The following GRIA2 variants were observed in gnomAD, a reference collection of about 807,000 sequenced individuals.
GRIA2 encodes glutamate receptor 2.
In GRIA2, 14 loss-of-function variants were observed where a neutral mutation model predicts 97.3. That is an observed-to-expected ratio of 0.14 (90% CI 0.10 to 0.23). The LOEUF (loss-of-function observed/expected upper bound fraction) is 0.23, where lower values mean the gene tolerates loss of function less well. Among genes scored for constraint, GRIA2 ranks in the 10% least tolerant of loss-of-function variants. GRIA2 has a pLI of 1.00. For synonymous variants in GRIA2, 412 were observed against 387.8 expected, an observed-to-expected ratio of 1.06 and a Z score of -0.73; for missense variants, 558 against 1,069.8, an observed-to-expected ratio of 0.52 and a Z score of 6.67.
At chr4:157,313,828 C>A (rs1169340186) in intron 4 of GRIA2, among the ~76,000 whole-genome samples, 2 of 151,890 alleles carry the variant, frequency 1.3e-5, no homozygotes, top group East Asian at 3.9e-4. Flanking sequence ...AATATCCTAC[C>A]ATTGACCAGA....
At chr4:157,273,603 G>A (rs1732137334) in intron 2 of GRIA2, among the ~76,000 whole-genome samples, 2 of 152,000 alleles carry the variant, frequency 1.3e-5, no homozygotes, top group Admixed American at 1.3e-4. Flanking sequence ...TACCTTGAAA[G>A]GCTTGTTAAT....
At chr4:157,220,546 G>T (rs1391772901), upstream of GRIA2, 3 of 152,196 alleles carry the variant, frequency 2.0e-5, no homozygotes, top group South Asian at 2.1e-4. Context: ...GCCGGGCGCC[G>T]TGCGGGGGAG....
chr4:157,263,950 TTACTC>T (rs1460130596), intron 2 of GRIA2, among the ~76,000 whole-genome samples: 1 of 152,092 alleles, frequency 6.6e-6, no homozygotes, highest in Non-Finnish European at 1.5e-5. Context: ...TTTTTGAACT[TTACTC>T]TTAGTTATAA....
At chr4:157,252,192 C>G (rs1462551777) in intron 2 of GRIA2, among the ~76,000 whole-genome samples, 1 of 151,974 alleles carries the variant, frequency 6.6e-6, no homozygotes, top group Admixed American at 6.6e-5. Flanking sequence ...TCTGCAAAAC[C>G]AAATGAAGGG....
intron 2 of GRIA2, among the ~76,000 whole-genome samples, chr4:157,256,710 C>G (rs1561013534): frequency 6.6e-6 from 1 of 151,844 alleles, no homozygotes; most frequent in Non-Finnish European, 1.5e-5. Flanking sequence ...TAGTATGATA[C>G]TTAATTAATC....
intron 2 of GRIA2, among the ~76,000 whole-genome samples, chr4:157,232,862 T>G (rs1483001803): frequency 6.6e-6 from 1 of 152,204 alleles, no homozygotes; most frequent in Non-Finnish European, 1.5e-5. Flanking sequence ...ATTCTAGTCC[T>G]TGTACTAGAT....
chr4:157,247,943 T>C, intron 2 of GRIA2, among the ~76,000 whole-genome samples: 1 of 152,082 alleles, frequency 6.6e-6, no homozygotes, highest in East Asian at 1.9e-4. Context: ...TTGCTCTTAT[T>C]ATCCTCACTG....
intron 6 of GRIA2, among the ~76,000 whole-genome samples, chr4:157,331,952 C>A (rs1161226774): frequency 6.6e-6 from 1 of 151,904 alleles, no homozygotes; most frequent in African/African-American, 2.4e-5. Flanking sequence ...TTTTTTCTCC[C>A]AAGCTTCGCC....
intron 2 of GRIA2, among the ~76,000 whole-genome samples, chr4:157,277,607 A>G (rs1478766835): frequency 6.6e-6 from 1 of 151,500 alleles, no homozygotes. Context: ...TTTGCAGATA[A>G]TTGTCTGTGT....
intron 4 of GRIA2, among the ~76,000 whole-genome samples, chr4:157,314,653 A>G (rs532216286): frequency 5.9e-5 from 9 of 152,324 alleles, no homozygotes; most frequent in African/African-American, 2.2e-4. Flanking sequence ...GTGAAAGACT[A>G]TATAAAAATA....
chr4:157,330,876 G>T (rs1735020056), intron 6 of GRIA2, among the ~76,000 whole-genome samples: 1 of 151,886 alleles, frequency 6.6e-6, no homozygotes, highest in African/African-American at 2.4e-5. Flanking sequence ...AAACACAGGG[G>T]CAGAGATGAA....
At chr4:157,333,072 C>T (rs1384360225) in intron 7 of GRIA2, 86 bp downstream of exon 7, 1 of 1,132,062 alleles carries the variant, frequency 8.8e-7, no homozygotes, top group Admixed American at 2.5e-5. Context: ...TTGTCTTATT[C>T]CTTGTGTCTA....
intron 3 of GRIA2, among the ~76,000 whole-genome samples, chr4:157,307,109 T>C (rs757475788): frequency 5.9e-5 from 9 of 152,206 alleles, no homozygotes; most frequent in East Asian, 1.9e-4. Context: ...TATTGGTTAA[T>C]TATAATGTCT....
In GRIA2 at chr4:157,264,197, G is replaced by A. The variant is rs540131424; in HGVS notation, c.230-39355G>A. 9.9e-5 allele frequency among the ~76,000 whole-genome samples: 15 copies of A among 152,144 alleles called. No individual in the cohort carries two copies. The South Asian group carries it at 2.1e-3, about 21-fold the overall frequency. Reference sequence around the variant, plus strand: ...CTGCCATAACAAATTACTACAAACCGTGATTTATAACAATACAAATCTATT... The same window carrying A: ...CTGCCATAACAAATTACTACAAACCATGATTTATAACAATACAAATCTATT... On this transcript the variant is annotated intron_variant, in intron 2 of 15. Coordinates refer to ENST00000264426, the MANE Select transcript of GRIA2 (RefSeq NM_001083619.3).
intron 2 of GRIA2, among the ~76,000 whole-genome samples, chr4:157,276,792 A>G (rs182479233): frequency 2.2e-4 from 33 of 152,060 alleles, no homozygotes; most frequent in Admixed American, 1.6e-3. Context: ...GACATACTAT[A>G]TTAAATGGAA....
At chr4:157,229,493 C>T (rs528444090) in intron 2 of GRIA2, among the ~76,000 whole-genome samples, 2 of 152,238 alleles carry the variant, frequency 1.3e-5, no homozygotes, top group East Asian at 1.9e-4. Context: ...TTAGGAGATA[C>T]CAGGTTCCTT....
At chr4:157,261,839 C>A (rs563553991) in intron 2 of GRIA2, among the ~76,000 whole-genome samples, 1 of 152,126 alleles carries the variant, frequency 6.6e-6, no homozygotes, top group East Asian at 1.9e-4. Context: ...CCCTCCTATA[C>A]CCTACTCTTC....
At chr4:157,278,594 A>G (rs1327087033) in intron 2 of GRIA2, among the ~76,000 whole-genome samples, 2 of 152,044 alleles carry the variant, frequency 1.3e-5, no homozygotes, top group African/African-American at 4.8e-5. Flanking sequence ...CCAAAGGCAC[A>G]GTCTATGAAA....
intron 2 of GRIA2, among the ~76,000 whole-genome samples, chr4:157,288,088 C>T (rs1732926708): frequency 6.6e-6 from 1 of 151,570 alleles, no homozygotes; most frequent in African/African-American, 2.4e-5. Context: ...TTTGGAAATA[C>T]TAAAAAACAA....
Sources: allele counts gnomAD v4.1 joint callset (sites outside exome capture counted in the v4.1 genomes callset), GRCh38; gene constraint gnomAD v4.1.1; transcripts MANE v1.5; gene names NCBI Gene and HGNC (gene_info 2026-07-23, HGNC 2026-07-21).